The following COLEC10 variants were observed in gnomAD, a reference collection of about 807,000 sequenced individuals.
The protein encoded by COLEC10 is collectin subfamily member 10, also known as collectin-10.
A neutral mutation model predicts 28.4 loss-of-function variants in COLEC10; 22 were observed. That is an observed-to-expected ratio of 0.78 (90% CI 0.55 to 1.11). COLEC10 has a LOEUF of 1.11. COLEC10 is among the 50% of genes least tolerant of loss of function. The pLI is 0.00. For synonymous variants in COLEC10, 125 were observed against 116.1 expected, an observed-to-expected ratio of 1.08 and a Z score of -0.49; for missense variants, 361 against 344.1, an observed-to-expected ratio of 1.05 and a Z score of -0.39.
At chr8:119,100,635 A>G (rs1815807283) in intron 3 of COLEC10, among the ~76,000 whole-genome samples, 1 of 152,194 alleles carries the variant, frequency 6.6e-6, no homozygotes, top group South Asian at 2.1e-4. Flanking sequence ...GAAGCTTTTC[A>G]TAGCGAAGCT....
intron 2 of COLEC10, among the ~76,000 whole-genome samples, chr8:119,054,355 G>A (rs1473306312): frequency 1.3e-5 from 2 of 152,080 alleles, no homozygotes; most frequent in African/African-American, 4.8e-5. Flanking sequence ...AATGCAACTT[G>A]TAAATGTCAT....
chr8:119,070,446 G>GCTCT (rs760543405), intron 1 of COLEC10, among the ~76,000 whole-genome samples: 8,799 of 80,328 alleles, frequency 0.11, 711 homozygotes, highest in Non-Finnish European at 0.14. Context: ...GTTCTCCCTC[G>GCTCT]CTCTCTCTCT....
At chr8:119,001,017 A>G (rs886621512) in intron 1 of COLEC10, among the ~76,000 whole-genome samples, 5 of 152,206 alleles carry the variant, frequency 3.3e-5, no homozygotes, top group Non-Finnish European at 7.3e-5. Flanking sequence ...TCTGGACATT[A>G]CTGGGACGAT....
At chr8:118,958,043 A>C in the COLEC10 span, among the ~76,000 whole-genome samples, 2 of 152,220 alleles carry the variant, frequency 1.3e-5, no homozygotes, top group Non-Finnish European at 2.9e-5. Flanking sequence ...AATAACAGCA[A>C]TCCAGGGCAA....
chr8:118,966,412 A>C, the COLEC10 span, among the ~76,000 whole-genome samples: 1 of 152,184 alleles, frequency 6.6e-6, no homozygotes, highest in African/African-American at 2.4e-5. Context: ...AGAATATTAC[A>C]TTCAGAAAGA....
chr8:118,990,447 C>G, the COLEC10 span, among the ~76,000 whole-genome samples: 2,411 of 152,168 alleles, frequency 0.016, 28 homozygotes, highest in Non-Finnish European at 0.023. Flanking sequence ...TAGATTCTGT[C>G]TTAATGCTGA....
intron 2 of COLEC10, among the ~76,000 whole-genome samples, chr8:119,017,063 T>C (rs1023894239): frequency 2.6e-5 from 4 of 152,178 alleles, no homozygotes; most frequent in Non-Finnish European, 4.4e-5. Context: ...AAATGCTATC[T>C]CATTGTGGTT....
At position 119,067,371 on chromosome 8, in the gene COLEC10, TG is replaced by T; in HGVS notation, c.91del (p.Asp31IlefsTer112). ...AAATTCAGAGTCTGGGTCTGGATAT[TG>T]ATAGCCGTCCTACCGCTGAAGTCTG... is the stretch of plus-strand genomic sequence containing the variant. ...LQIQSLGLDI[D>X]SRPTAEVCAT... is the part of the protein sequence containing the mutation. On this transcript the variant is annotated frameshift_variant, in exon 1 of 6. Coordinates refer to ENST00000332843, the MANE Select transcript of COLEC10 (RefSeq NM_006438.5). LOFTEE classifies it high-confidence loss of function. The T allele has an allele frequency of 6.2e-7, 1 of 1,614,100 alleles. No homozygotes were observed. Among genetic ancestry groups the T allele is most frequent in the Non-Finnish European group, 8.5e-7 (1 of 1,179,980 alleles).
chr8:118,973,099 AGATTTGGGTGAG>A, the COLEC10 span, among the ~76,000 whole-genome samples: 1 of 151,938 alleles, frequency 6.6e-6, no homozygotes, highest in Non-Finnish European at 1.5e-5. Context: ...ATTCAAGATG[AGATTTGGGTGAG>A]GACACAGCAA....
At chr8:119,042,591 T>C (rs894291607) in intron 2 of COLEC10, among the ~76,000 whole-genome samples, 7 of 152,172 alleles carry the variant, frequency 4.6e-5, no homozygotes, top group African/African-American at 1.7e-4. Flanking sequence ...CATCCCCTTT[T>C]TGCTGCTCTC....
chr8:118,961,483 T>G, the COLEC10 span, among the ~76,000 whole-genome samples: 1 of 152,200 alleles, frequency 6.6e-6, no homozygotes, highest in Non-Finnish European at 1.5e-5. Context: ...CTCATCTGAT[T>G]CAGGCGCTGG....
chr8:118,956,659 C>G, the COLEC10 span, among the ~76,000 whole-genome samples: 3 of 152,136 alleles, frequency 2.0e-5, no homozygotes, highest in Non-Finnish European at 4.4e-5. Context: ...TTTCAAATAA[C>G]TACTCATCAG....
chr8:119,066,399 T>C (rs1479089814), upstream of COLEC10, among the ~76,000 whole-genome samples: 3 of 152,220 alleles, frequency 2.0e-5, no homozygotes, highest in Non-Finnish European at 2.9e-5. Context: ...TACATCTAAA[T>C]CTGTTGAGCT....
intron 1 of COLEC10, among the ~76,000 whole-genome samples, chr8:119,078,492 G>A (rs746756186): frequency 2.0e-5 from 3 of 152,222 alleles, no homozygotes; most frequent in Middle Eastern, 3.4e-3. Flanking sequence ...GAGAGAATGG[G>A]GTGCAATAGA....
intron 2 of COLEC10, among the ~76,000 whole-genome samples, chr8:119,090,398 A>G (rs1815565751): frequency 6.6e-6 from 1 of 152,140 alleles, no homozygotes; most frequent in Admixed American, 6.5e-5. Context: ...CACTTGAAAT[A>G]TTTCTTGCCA....
At chr8:119,069,624 AAAAAAATATATATATATAT>A (rs67408054) in intron 1 of COLEC10, among the ~76,000 whole-genome samples, 24 of 67,300 alleles carry the variant, frequency 3.6e-4, no homozygotes, top group African/African-American at 5.0e-4. Flanking sequence ...AAAAAAAAAA[AAAAAAATATATATATATAT>A]ATATATATAT....
intron 1 of COLEC10, among the ~76,000 whole-genome samples, chr8:119,002,143 T>G (rs928610229): frequency 1.3e-5 from 2 of 152,192 alleles, no homozygotes; most frequent in Non-Finnish European, 2.9e-5. Flanking sequence ...TTTGCCATAA[T>G]TGTATATGTG....
rs1813942894 is a variant in COLEC10, at chr8:119,013,812, G to A, written n.235+4259G>A. ...TCCTGCTTTATTTTGATTAGTATTAGCATGATATATCTTTCTCCATCTATT... is the reference window on the plus strand; with the variant it reads ...TCCTGCTTTATTTTGATTAGTATTAACATGATATATCTTTCTCCATCTATT... On this transcript the variant is annotated intron_variant and non_coding_transcript_variant, in intron 2 of 6. Coordinates refer to the COLEC10 transcript ENST00000521788. Among the ~76,000 whole-genome samples the A allele has an allele frequency of 2.7e-5, 4 of 150,642 alleles. No individual in the cohort carries two copies. In the South Asian group the frequency reaches 8.3e-4, roughly 31 times the overall value.
chr8:119,089,079 C>T (rs536259919), intron 1 of COLEC10, among the ~76,000 whole-genome samples: 1 of 152,316 alleles, frequency 6.6e-6, no homozygotes, highest in South Asian at 2.1e-4. Flanking sequence ...CAGTGACTAA[C>T]ATGGCATTAA....
Sources: gnomAD v4.1 joint callset for allele counts (sites outside exome capture counted in the v4.1 genomes callset) on GRCh38, gnomAD v4.1.1 for gene constraint, MANE v1.5 for transcripts, NCBI Gene and HGNC (gene_info 2026-07-23, HGNC 2026-07-21) for gene names.